KSR2: variants seen among roughly 807,000 people sequenced by gnomAD.
KSR2 encodes the protein kinase suppressor of ras 2.
A neutral mutation model predicts 107.8 loss-of-function variants in KSR2; 25 were observed. The ratio of observed to expected loss-of-function variants is 0.23; its 90% CI spans 0.17 to 0.32. KSR2 has a LOEUF of 0.32. Ranked by LOEUF, KSR2 falls within the 10% of genes least tolerant of loss-of-function variation. The probability of loss-of-function intolerance (pLI) is 1.00; values close to 1 mark genes in which losing one functional copy is unlikely to be tolerated. For synonymous variants in KSR2, 480 were observed against 507.0 expected (o/e 0.95, Z 0.71); for missense variants, 887 against 1,268.9 (o/e 0.70, Z 4.57).
intron 4 of KSR2, among the ~76,000 whole-genome samples, chr12:117,687,335 A>G (rs1022371197): frequency 1.3e-5 from 2 of 152,150 alleles, no homozygotes; most frequent in Admixed American, 1.3e-4. Context: ...TGGCTCTCCT[A>G]CTGTGACTCC....
intron 5 of KSR2, among the ~76,000 whole-genome samples, chr12:117,648,773 A>G (rs1483459230): frequency 6.6e-6 from 1 of 152,232 alleles, no homozygotes; most frequent in Admixed American, 6.5e-5. Context: ...TGGGCCAAAT[A>G]GAAACATATC....
rs377685131 is a variant in KSR2 at position 117,579,069 on chromosome 12, T to C, written c.1325+50A>G. ...GGCTGTTCAGTGCCCTGCATGGTTC[T>C]AGCTGACATCGGGTGCTGCGAAAAG... On this transcript the variant is annotated intron_variant, in intron 7 of 19. Coordinates refer to ENST00000339824, the MANE Select transcript of KSR2 (RefSeq NM_173598.6). The C allele has an allele frequency of 1.6e-5, 22 of 1,338,394 alleles. No individual in the cohort carries two copies. In the African/African-American group the frequency reaches 2.9e-4, roughly 17 times the overall value. 82.9% of individuals were successfully genotyped at this position (1,338,394 alleles called of 1,614,324 possible).
intron 4 of KSR2, among the ~76,000 whole-genome samples, chr12:117,693,478 C>A (rs1005988741): frequency 1.3e-5 from 2 of 152,154 alleles, no homozygotes; most frequent in Non-Finnish European, 2.9e-5. Context: ...CCTCCTCCCC[C>A]ACATCTCTGC....
intron 14 of KSR2, among the ~76,000 whole-genome samples, chr12:117,494,210 T>A (rs1002798707): frequency 6.6e-6 from 1 of 151,966 alleles, no homozygotes; most frequent in African/African-American, 2.4e-5. Flanking sequence ...CATAACAGCT[T>A]CTATGGGGGT....
intron 1 of KSR2, among the ~76,000 whole-genome samples, chr12:117,880,210 G>C (rs7966633): frequency 0.025 from 3,858 of 152,108 alleles, 83 homozygotes; most frequent in South Asian, 0.066. Flanking sequence ...GAAAGCATAG[G>C]AATAAATAGA....
intron 7 of KSR2, among the ~76,000 whole-genome samples, chr12:117,574,044 C>T (rs918467910): frequency 1.3e-5 from 2 of 152,158 alleles, no homozygotes; most frequent in Non-Finnish European, 1.5e-5. Context: ...TTTTAAACCA[C>T]TACTTCTAAT....
intron 1 of KSR2, among the ~76,000 whole-genome samples, chr12:117,963,463 C>T (rs554644665): frequency 2.0e-5 from 3 of 151,946 alleles, no homozygotes; most frequent in Admixed American, 1.3e-4. Flanking sequence ...ATTAGCCAAG[C>T]GTGGTGGTGC....
chr12:117,699,808 C>T (rs1344823217), intron 4 of KSR2, among the ~76,000 whole-genome samples: 2 of 152,136 alleles, frequency 1.3e-5, no homozygotes, highest in African/African-American at 4.8e-5. Context: ...AAAGCAACTA[C>T]ACTGCAAGGT....
Position 117,524,918 on chromosome 12 carries a change from C to T in KSR2, c.2153G>A (p.Arg718Gln), listed in dbSNP as rs765674313. ...CATGAAAAGCACCACGTTCTCATGC[C>T]GTGTCTGCCTGTAGGCCATCACCTC... ...KREVMAYRQT[R>Q]HENVVLFMGA... The change falls in exon 14 of 20, where the codon CGG becomes CAG. Residue 718 changes from arginine (R) to glutamine (Q), a missense_variant. Physicochemically the swap from Arg to Gln is conservative, Grantham distance 43. This residue lies in a region of KSR2 where 308 missense variants were observed against 506.2 expected (regional missense o/e 0.61). Coordinates refer to ENST00000339824, the MANE Select transcript of KSR2 (RefSeq NM_173598.6). 2.5e-6 allele frequency: 4 copies of T among 1,613,802 alleles called. No homozygotes were observed. Among genetic ancestry groups the T allele is most frequent in the Non-Finnish European group, 1.7e-6 (2 of 1,179,818 alleles).
At chr12:117,521,531 C>A (rs939958586) in intron 14 of KSR2, among the ~76,000 whole-genome samples, 4 of 152,224 alleles carry the variant, frequency 2.6e-5, no homozygotes, top group African/African-American at 9.6e-5. Flanking sequence ...ATTTAGCAAT[C>A]CTGCTGCTAA....
intron 1 of KSR2, among the ~76,000 whole-genome samples, chr12:117,884,393 C>G (rs145615310): frequency 6.6e-6 from 1 of 152,324 alleles, no homozygotes; most frequent in African/African-American, 2.4e-5. Flanking sequence ...TGGCATGAAC[C>G]TTTTCAGCTC....
At chr12:117,525,427 T>C (rs921754642) in intron 13 of KSR2, among the ~76,000 whole-genome samples, 2 of 152,184 alleles carry the variant, frequency 1.3e-5, no homozygotes, top group East Asian at 1.9e-4. Flanking sequence ...AGGGAGATCA[T>C]GATCATCCAC....
chr12:117,951,088 T>G (rs1177163654), intron 1 of KSR2, among the ~76,000 whole-genome samples: 3 of 152,082 alleles, frequency 2.0e-5, no homozygotes, highest in South Asian at 4.2e-4. Flanking sequence ...TTTTGTATTT[T>G]TAGTAGAGAC....
intron 10 of KSR2, among the ~76,000 whole-genome samples, chr12:117,535,432 T>A (rs1376247627): frequency 6.6e-6 from 1 of 152,074 alleles, no homozygotes; most frequent in South Asian, 2.1e-4. Context: ...CACAGAGTGA[T>A]GAGCATAAAA....
intron 5 of KSR2, among the ~76,000 whole-genome samples, chr12:117,596,168 G>A (rs1186644599): frequency 6.6e-6 from 1 of 152,014 alleles, no homozygotes; most frequent in East Asian, 1.9e-4. Context: ...ACATGGCTGG[G>A]GAGGCCTCAC....
At chr12:117,917,381 A>C (rs572494490) in intron 1 of KSR2, among the ~76,000 whole-genome samples, 3 of 151,566 alleles carry the variant, frequency 2.0e-5, no homozygotes, top group Non-Finnish European at 4.4e-5. Flanking sequence ...TCTCTAAAAA[A>C]TTTTTTTTTA....
intron 4 of KSR2, among the ~76,000 whole-genome samples, chr12:117,672,814 G>A (rs911645410): frequency 1.3e-5 from 2 of 152,070 alleles, no homozygotes; most frequent in Admixed American, 1.3e-4. Context: ...TAATAGAGAC[G>A]GGGTTTCACT....
At chr12:117,822,963 G>A (rs1254224195) in intron 3 of KSR2, among the ~76,000 whole-genome samples, 2 of 152,144 alleles carry the variant, frequency 1.3e-5, no homozygotes, top group Non-Finnish European at 2.9e-5. Flanking sequence ...TGCTATTTTG[G>A]GCCAGGGGAC....
intron 18 of KSR2, 103 bp from the exon 19 acceptor site, chr12:117,469,898 T>G (rs1383900841): frequency 3.6e-6 from 4 of 1,106,254 alleles, no homozygotes; most frequent in Non-Finnish European, 5.3e-6. Flanking sequence ...TCTGCCCCAT[T>G]TCCATATTCC....
Sources: allele counts gnomAD v4.1 joint callset (sites outside exome capture counted in the v4.1 genomes callset), GRCh38; gene constraint gnomAD v4.1.1; regional missense constraint gnomAD v4.1.1; transcripts MANE v1.5; gene names NCBI Gene and HGNC (gene_info 2026-07-23, HGNC 2026-07-21).